ASIC2: variants seen among roughly 807,000 people sequenced by gnomAD.
ASIC2 encodes the protein acid-sensing ion channel 2.
ASIC2 carries 25 observed loss-of-function variants against 57.3 expected under a neutral mutation model. The observed-to-expected ratio is 0.44, with a 90% CI of 0.32 to 0.61. The LOEUF (loss-of-function observed/expected upper bound fraction) is 0.61. ASIC2 is among the 20% of genes least tolerant of loss of function. The pLI is 0.06. For synonymous variants in ASIC2, 319 were observed against 307.5 expected (o/e 1.04, Z -0.39); for missense variants, 641 against 738.1 (o/e 0.87, Z 1.52).
chr17:33,937,322 A>C (rs1454833833), intron 1 of ASIC2, among the ~76,000 whole-genome samples: 1 of 152,132 alleles, frequency 6.6e-6, no homozygotes. Flanking sequence ...GGCTGGTCCC[A>C]AACTGACCTC....
rs556862551 is a variant in ASIC2, at chr17:33,142,975, C to T, written c.709-30908G>A. Among the ~76,000 whole-genome samples the T allele has an allele frequency of 1.6e-4, 25 of 152,286 alleles. No individual in the cohort carries two copies. The South Asian group carries it at 5.0e-3, about 30-fold the overall frequency. On this transcript the variant is annotated intron_variant, in intron 1 of 9. Coordinates refer to ENST00000225823, the MANE Select transcript of ASIC2 (RefSeq NM_183377.2). ...ACACTGAATCATGGATGTTTCCCTACCTTCTTCCACATATAAACCAAAAAG... is the reference window on the plus strand; with the variant it reads ...ACACTGAATCATGGATGTTTCCCTATCTTCTTCCACATATAAACCAAAAAG...
intron 1 of ASIC2, among the ~76,000 whole-genome samples, chr17:33,960,682 A>G (rs1317535587): frequency 1.3e-5 from 2 of 152,058 alleles, no homozygotes; most frequent in East Asian, 3.9e-4. Flanking sequence ...AGAATGTACC[A>G]TTGTCTCCTG....
chr17:33,085,120 A>G (rs1456092251), intron 3 of ASIC2, among the ~76,000 whole-genome samples: 1 of 152,144 alleles, frequency 6.6e-6, no homozygotes, highest in Non-Finnish European at 1.5e-5. Flanking sequence ...CAATTTTCCT[A>G]GCATGATTCA....
At chr17:33,391,318 T>A (rs189380675) in intron 1 of ASIC2, among the ~76,000 whole-genome samples, 106 of 152,302 alleles carry the variant, frequency 7.0e-4, no homozygotes, top group African/African-American at 2.5e-3. Context: ...CCTGATCTTT[T>A]ACAACTTGAT....
intron 1 of ASIC2, among the ~76,000 whole-genome samples, chr17:34,113,565 G>GA (rs374237773): frequency 7.5e-4 from 105 of 139,550 alleles, no homozygotes; most frequent in Middle Eastern, 3.8e-3. Context: ...CTGTCTTAAG[G>GA]AAAAAAAAAA....
chr17:33,620,875 C>A lies in ASIC2; in HGVS notation c.556-508808G>T, dbSNP rs533392918. Among the ~76,000 whole-genome samples, 6 of 152,142 alleles carry A rather than the reference C, an allele frequency of 3.9e-5. No individual in the cohort carries two copies. In the East Asian group the frequency reaches 1.2e-3, roughly 29 times the overall value. ...ATTCCAGGGCCTCCCAGACCATGCA[C>A]CCCCAGCCCCCACAGCCTCTCCAGC... is the stretch of plus-strand genomic sequence containing the variant. On this transcript the variant is annotated intron_variant, in intron 1 of 9. Transcript: ENST00000359872.
At chr17:33,602,203 A>G (rs115806642) in intron 1 of ASIC2, among the ~76,000 whole-genome samples, 4,915 of 152,292 alleles carry the variant, frequency 0.032, 258 homozygotes, top group African/African-American at 0.11. Flanking sequence ...TATTTTCCAT[A>G]TGAAAAGAAC....
At chr17:33,419,219 G>A (rs76879347) in intron 1 of ASIC2, among the ~76,000 whole-genome samples, 4,530 of 152,318 alleles carry the variant, frequency 0.03, 106 homozygotes, top group Non-Finnish European at 0.043. Flanking sequence ...CAGAGGGAGC[G>A]GCTAAGGTGA....
intron 1 of ASIC2, among the ~76,000 whole-genome samples, chr17:33,172,234 G>A (rs1905549479): frequency 6.6e-6 from 1 of 152,176 alleles, no homozygotes; most frequent in African/African-American, 2.4e-5. Context: ...ATGTCCTAAA[G>A]TTCAGCTTGT....
chr17:34,033,315 A>T (rs1189565045), intron 1 of ASIC2, among the ~76,000 whole-genome samples: 1 of 152,216 alleles, frequency 6.6e-6, no homozygotes, highest in East Asian at 1.9e-4. Context: ...TTTGAAACCA[A>T]CGAGAACAAA....
At chr17:33,816,454 C>CATT (rs1356574315) in intron 1 of ASIC2, among the ~76,000 whole-genome samples, 8 of 152,164 alleles carry the variant, frequency 5.3e-5, no homozygotes, top group African/African-American at 1.7e-4. Context: ...CAATTATTCT[C>CATT]ATTTGACAGA....
In ASIC2 at chr17:33,088,970, C is replaced by G; in HGVS notation, c.880G>C (p.Gly294Arg). ...GETEETTFEAGVKVQIHSQSE... is the reference protein window; with the variant it reads ...GETEETTFEARVKVQIHSQSE... ...TGACTGTGGATCTGAACTTTCACTC[C>G]TGCTTCAAATGTCGTTTCCTCTGAA... Residue 294 changes from glycine (G) to arginine (R), a missense_variant, in exon 3 of 10, where the codon GGA becomes CGA. Gly to Arg is a moderately radical substitution (Grantham distance 125, BLOSUM62 -2). Transcript: ENST00000225823. The G allele has an allele frequency of 6.2e-7, 1 of 1,614,140 alleles. No individual in the cohort carries two copies. The highest frequency in any genetic ancestry group is 1.1e-5 in the South Asian group (1 of 91,068).
intron 1 of ASIC2, among the ~76,000 whole-genome samples, chr17:33,700,795 A>T (rs1441523241): frequency 6.6e-6 from 1 of 152,148 alleles, no homozygotes; most frequent in African/African-American, 2.4e-5. Flanking sequence ...GGAGCATATG[A>T]CCAGAACCGG....
At chr17:34,125,903 G>A (rs1052320553) in intron 1 of ASIC2, among the ~76,000 whole-genome samples, 4 of 152,138 alleles carry the variant, frequency 2.6e-5, no homozygotes, top group Admixed American at 1.3e-4. Context: ...GGGCAGGGAG[G>A]TAACTGTGGA....
chr17:33,432,738 C>A (rs1176910097), intron 1 of ASIC2, among the ~76,000 whole-genome samples: 1 of 151,890 alleles, frequency 6.6e-6, no homozygotes. Flanking sequence ...AAAAAGTGGG[C>A]AAAGGACATG....
At chr17:33,502,659 G>T (rs1211148026) in intron 1 of ASIC2, among the ~76,000 whole-genome samples, 1 of 152,164 alleles carries the variant, frequency 6.6e-6, no homozygotes, top group Admixed American at 6.5e-5. Flanking sequence ...AGAAACCCGG[G>T]TTACAATCCC....
intron 1 of ASIC2, among the ~76,000 whole-genome samples, chr17:33,361,373 C>T (rs776827315): frequency 6.6e-6 from 1 of 152,198 alleles, no homozygotes; most frequent in Non-Finnish European, 1.5e-5. Context: ...GAAGTGGCTT[C>T]TGCAATGTGG....
At chr17:33,213,088 G>T (rs1907340366) in intron 1 of ASIC2, among the ~76,000 whole-genome samples, 1 of 152,244 alleles carries the variant, frequency 6.6e-6, no homozygotes, top group Non-Finnish European at 1.5e-5. Flanking sequence ...CACACTCTGT[G>T]CAGATTATTT....
At chr17:33,483,991 T>G (rs1484228987) in intron 1 of ASIC2, among the ~76,000 whole-genome samples, 1 of 151,932 alleles carries the variant, frequency 6.6e-6, no homozygotes, top group African/African-American at 2.4e-5. Flanking sequence ...TGAGCAGAGA[T>G]GAGAGACAGG....
Sources: gnomAD v4.1 joint callset for allele counts (sites outside exome capture counted in the v4.1 genomes callset) on GRCh38, gnomAD v4.1.1 for gene constraint, MANE v1.5 for transcripts, NCBI Gene and HGNC (gene_info 2026-07-23, HGNC 2026-07-21) for gene names.